The following AUTS2 variants were observed in gnomAD, a reference collection of about 807,000 sequenced individuals.
AUTS2 encodes activator of transcription and developmental regulator AUTS2.
A neutral mutation model predicts 112.4 loss-of-function variants in AUTS2; 17 were observed. The observed-to-expected ratio is 0.15, with a 90% CI of 0.10 to 0.23. The LOEUF (loss-of-function observed/expected upper bound fraction) is 0.23, where lower values mean the gene tolerates loss of function less well. Ranked by LOEUF, AUTS2 falls within the 10% of genes least tolerant of loss-of-function variation. The pLI is 1.00. For synonymous variants in AUTS2, 751 were observed against 702.7 expected (o/e 1.07, Z -1.09); for missense variants, 1,510 against 1,701.6 (o/e 0.89, Z 1.98).
chr7:70,725,139 G>C (rs1786953018), intron 6 of AUTS2, among the ~76,000 whole-genome samples: 1 of 152,168 alleles, frequency 6.6e-6, no homozygotes. Flanking sequence ...CAAGGAGGTT[G>C]GGCCTTTTAG....
At chr7:70,470,815 G>T (rs1236775030) in intron 5 of AUTS2, among the ~76,000 whole-genome samples, 1 of 152,056 alleles carries the variant, frequency 6.6e-6, no homozygotes, top group African/African-American at 2.4e-5. Flanking sequence ...CCTTTCTTTT[G>T]CCCTCCAGCC....
chr7:69,634,778 G>A (rs2129107889), intron 1 of AUTS2, among the ~76,000 whole-genome samples: 1 of 152,302 alleles, frequency 6.6e-6, no homozygotes, highest in Middle Eastern at 3.4e-3. Context: ...TATAAAAGAA[G>A]AGTTTTTCTA....
intron 5 of AUTS2, among the ~76,000 whole-genome samples, chr7:70,544,103 A>G (rs1012356361): frequency 6.6e-6 from 1 of 152,202 alleles, no homozygotes; most frequent in Non-Finnish European, 1.5e-5. Flanking sequence ...AAGGCTCTAA[A>G]TGAGATTTGG....
rs1225657295 is a variant in AUTS2 at position 69,872,839 on chromosome 7, T to TTTTTTTTTTTTTTTTTTTTTC, written c.310-26427_310-26426insCTTTTTTTTTTTTTTTTTTTT. On this transcript the variant is annotated intron_variant, in intron 1 of 18. Coordinates refer to ENST00000342771, the MANE Select transcript of AUTS2 (RefSeq NM_015570.4). ...CACTTGATGTAGCCTATATTCTTTTTTTTTTTTTTTTTTTTTTTTTTGAGA... is the reference window on the plus strand; with the variant it reads ...CACTTGATGTAGCCTATATTCTTTTTTTTTTTTTTTTTTTTTTTTTCTTTTTTTTTTTTTTTTTTTTTGAGA... Among the ~76,000 whole-genome samples, 5 of 131,988 alleles carry TTTTTTTTTTTTTTTTTTTTTC rather than the reference T, an allele frequency of 3.8e-5. 1 individual carries two copies. Among genetic ancestry groups the TTTTTTTTTTTTTTTTTTTTTC allele is most frequent in the African/African-American group, 1.5e-4 (5 of 33,850 alleles). The allele number at this position is 131,988 out of a possible 152,430, so 86.6% of individuals were successfully genotyped here.
chr7:69,738,025 A>AT (rs534475180), intron 1 of AUTS2, among the ~76,000 whole-genome samples: 135 of 147,026 alleles, frequency 9.2e-4, no homozygotes, highest in South Asian at 1.9e-3. Flanking sequence ...GCTAATTATT[A>AT]TTTTTTTTTT....
intron 2 of AUTS2, among the ~76,000 whole-genome samples, chr7:70,010,227 C>T (rs1188362761): frequency 6.6e-6 from 1 of 152,064 alleles, no homozygotes; most frequent in Non-Finnish European, 1.5e-5. Context: ...CTCACTGCAG[C>T]CCTGACCTCC....
intron 5 of AUTS2, among the ~76,000 whole-genome samples, chr7:70,488,391 G>GT (rs2116360834): frequency 6.6e-6 from 1 of 152,288 alleles, no homozygotes. Context: ...GATGGACCTG[G>GT]TGAAGGGTAA....
At chr7:69,749,372 C>T (rs193123116) in intron 1 of AUTS2, among the ~76,000 whole-genome samples, 2 of 152,246 alleles carry the variant, frequency 1.3e-5, no homozygotes, top group East Asian at 1.9e-4. Context: ...TTCATCTCCT[C>T]GAAAAGAAAT....
At chr7:70,719,085 A>G (rs750455458) in intron 6 of AUTS2, among the ~76,000 whole-genome samples, 16 of 152,270 alleles carry the variant, frequency 1.1e-4, no homozygotes, top group Non-Finnish European at 2.2e-4. Flanking sequence ...CAATTAACCC[A>G]TGGAACCCTC....
At chr7:70,562,416 G>A (rs778730931) in intron 5 of AUTS2, among the ~76,000 whole-genome samples, 18 of 152,132 alleles carry the variant, frequency 1.2e-4, no homozygotes, top group Non-Finnish European at 1.0e-4. Context: ...AGTACAACCC[G>A]TTACTCCTAC....
intron 1 of AUTS2, among the ~76,000 whole-genome samples, chr7:69,755,281 G>A (rs961324464): frequency 9.2e-5 from 14 of 152,194 alleles, no homozygotes; most frequent in Non-Finnish European, 1.8e-4. Context: ...AGTGCCTGAG[G>A]CTGAGATGGC....
rs2129555093 is a variant in AUTS2, at chr7:70,748,595, T to C, written c.743-14275T>C. On this transcript the variant is annotated intron_variant, in intron 6 of 18. Transcript: ENST00000342771. Reference sequence around the variant, plus strand: ...AATTTCTGCAAATCAAGGAGAATAGTGTTCATGAACCTACCAGTGAGATAT... The same window carrying C: ...AATTTCTGCAAATCAAGGAGAATAGCGTTCATGAACCTACCAGTGAGATAT... Among the ~76,000 whole-genome samples the C allele has an allele frequency of 1.3e-5, 2 of 152,308 alleles. 1 individual carries two copies. Among genetic ancestry groups the C allele is most frequent in the East Asian group, 3.9e-4 (2 of 5,180 alleles).
chr7:69,872,822 G>A (rs1793557737), intron 1 of AUTS2, among the ~76,000 whole-genome samples: 1 of 129,934 alleles, frequency 7.7e-6, no homozygotes. Flanking sequence ...GGCACTTGAT[G>A]TAGCCTATAT....
chr7:70,679,369 G>T (rs903752257), intron 5 of AUTS2, among the ~76,000 whole-genome samples: 2 of 152,188 alleles, frequency 1.3e-5, no homozygotes, highest in African/African-American at 4.8e-5. Context: ...GGAGACAGCT[G>T]GTGCTTCTTA....
chr7:70,741,684 T>C, intron 6 of AUTS2, among the ~76,000 whole-genome samples: 1 of 146,608 alleles, frequency 6.8e-6, no homozygotes, highest in African/African-American at 2.5e-5. Flanking sequence ...AGAGTGAAAC[T>C]CTATCTCAAA....
chr7:69,679,577 A>G (rs1218276648), intron 1 of AUTS2, among the ~76,000 whole-genome samples: 3 of 152,256 alleles, frequency 2.0e-5, no homozygotes, highest in Non-Finnish European at 4.4e-5. Context: ...ATGTAAAAAA[A>G]TAACTCTGTC....
chr7:70,648,646 A>C (rs1806310845), intron 5 of AUTS2, among the ~76,000 whole-genome samples: 1 of 152,048 alleles, frequency 6.6e-6, no homozygotes, highest in South Asian at 2.1e-4. Context: ...CAGTGGCGTA[A>C]TCTTGGCTCA....
At chr7:70,142,329 C>T (rs1289204478) in intron 4 of AUTS2, among the ~76,000 whole-genome samples, 1 of 152,170 alleles carries the variant, frequency 6.6e-6, no homozygotes, top group Non-Finnish European at 1.5e-5. Flanking sequence ...ACCTTAATTT[C>T]TAATATTTCA....
chr7:70,040,108 G>A (rs1801181101), intron 2 of AUTS2, among the ~76,000 whole-genome samples: 1 of 152,096 alleles, frequency 6.6e-6, no homozygotes, highest in African/African-American at 2.4e-5. Context: ...GGATTTTTAG[G>A]GCAGTGACTC....
Sources: gnomAD v4.1 joint callset for allele counts (sites outside exome capture counted in the v4.1 genomes callset) on GRCh38, gnomAD v4.1.1 for gene constraint, MANE v1.5 for transcripts, NCBI Gene and HGNC (gene_info 2026-07-23, HGNC 2026-07-21) for gene names.